The following SPAG17 variants were observed in gnomAD, a reference collection of about 807,000 sequenced individuals.
SPAG17 encodes sperm-associated antigen 17.
Under a neutral mutation model 273.6 loss-of-function variants are expected in SPAG17, and 169 were observed. The ratio of observed to expected loss-of-function variants is 0.62; its 90% CI spans 0.55 to 0.70. The LOEUF is 0.70. Ranked by LOEUF, SPAG17 falls within the 30% of genes least tolerant of loss-of-function variation. The pLI, the probability that SPAG17 is intolerant of heterozygous loss-of-function variation, is 0.00. For missense variants in SPAG17, 2,557 were observed against 2,627.8 expected (o/e 0.97, Z 0.59); for synonymous variants, 825 against 873.2 (o/e 0.94, Z 0.97).
intron 3 of SPAG17, among the ~76,000 whole-genome samples, chr1:118,140,632 TCTTC>T (rs1436577185): frequency 3.9e-5 from 6 of 152,122 alleles, no homozygotes; most frequent in African/African-American, 1.4e-4. Context: ...TCTGCCAAAT[TCTTC>T]CTTCTAAATA....
At chr1:118,001,555 G>A (rs916891977) in intron 32 of SPAG17, among the ~76,000 whole-genome samples, 2 of 152,130 alleles carry the variant, frequency 1.3e-5, no homozygotes, top group African/African-American at 4.8e-5. Flanking sequence ...TTGGGAGGGT[G>A]TATGTGTCCA....
chr1:118,092,752 G>A (rs532430598), intron 8 of SPAG17, among the ~76,000 whole-genome samples: 34 of 152,256 alleles, frequency 2.2e-4, no homozygotes, highest in African/African-American at 7.5e-4. Context: ...ATCATGCTAC[G>A]TTGAAATCAT....
intron 40 of SPAG17, 56 bp from the exon 41 acceptor site, chr1:117,984,838 G>A (rs1372688420): frequency 8.8e-7 from 1 of 1,139,450 alleles, no homozygotes; most frequent in Non-Finnish European, 1.3e-6. Context: ...TTAAAGTGTT[G>A]TTTGTTTGTG....
rs141730514 is a variant in SPAG17, at chr1:117,988,250, G to C, written c.5522-46C>G. 2.9e-4 allele frequency: 402 copies of C among 1,365,224 alleles called. 2 individuals are homozygous for C. The African/African-American group carries it at 5.3e-3, about 18-fold the overall frequency. 84.6% of individuals were successfully genotyped at this position (1,365,224 alleles called of 1,614,324 possible). A position where few individuals can be genotyped will look rare whatever the true frequency, so the allele number is the denominator to read the frequency against. On this transcript the variant is annotated intron_variant, in intron 38 of 48. Transcript: ENST00000336338. ...AACTTTTATCCCCACTTCTTTATAG[G>C]GCAACACACAATCAGTACACAATTA... is the stretch of plus-strand genomic sequence containing the variant.
In SPAG17 at chr1:117,966,557, C is replaced by T. The variant is rs755295987; in HGVS notation, c.6532+52G>A. On this transcript the variant is annotated intron_variant, in intron 47 of 48. Transcript: ENST00000336338. ...TTTTGACTTCCATGTTTTCCTCACT[C>T]GTGTAATTTCTGCACTATATATGAT... The T allele has an allele frequency of 1.8e-5, 25 of 1,413,110 alleles. No individual in the cohort carries two copies. In the South Asian group the frequency reaches 2.1e-4, roughly 12 times the overall value. The allele number at this position is 1,413,110 out of a possible 1,614,324, so 87.5% of individuals were successfully genotyped here. A position where few individuals can be genotyped will look rare whatever the true frequency, so the allele number is the denominator to read the frequency against.
chr1:118,091,056 C>T (rs1198865579), intron 10 of SPAG17, among the ~76,000 whole-genome samples: 1 of 151,884 alleles, frequency 6.6e-6, no homozygotes, highest in Non-Finnish European at 1.5e-5. Context: ...AAGGAAAGCA[C>T]AAATAAATAA....
intron 3 of SPAG17, among the ~76,000 whole-genome samples, chr1:118,118,194 T>TC (rs1219439209): frequency 1.3e-5 from 2 of 152,174 alleles, no homozygotes; most frequent in African/African-American, 4.8e-5. Flanking sequence ...ACATAACATC[T>TC]CCAAAGGTTT....
intron 1 of SPAG17, among the ~76,000 whole-genome samples, chr1:118,157,364 A>G (rs1358631353): frequency 6.6e-6 from 1 of 152,154 alleles, no homozygotes; most frequent in Non-Finnish European, 1.5e-5. Flanking sequence ...TGGATCTATA[A>G]TTAAGAGTCT....
At chr1:118,145,580 AG>A (rs1028684116) in intron 3 of SPAG17, among the ~76,000 whole-genome samples, 1 of 152,186 alleles carries the variant, frequency 6.6e-6, no homozygotes, top group African/African-American at 2.4e-5. Context: ...ATCTAATATC[AG>A]AAAAATCTTT....
In SPAG17 at chr1:118,150,631, T is replaced by C; in HGVS notation, c.229-2A>G. The C allele has an allele frequency of 6.8e-7, 1 of 1,469,072 alleles. No homozygotes were observed. Among genetic ancestry groups the C allele is most frequent in the Non-Finnish European group, 9.4e-7 (1 of 1,066,584 alleles). 91.0% of individuals were successfully genotyped at this position (1,469,072 alleles called of 1,614,324 possible). ...AACAAGTGTATTTATTTCATTAATC[T>C]GTAAGAAAATTAAATTTACTTATGA... On this transcript the variant is annotated splice_acceptor_variant, in intron 2 of 48. Coordinates refer to ENST00000336338, the MANE Select transcript of SPAG17 (RefSeq NM_206996.4). LOFTEE classifies it high-confidence loss of function.
intron 1 of SPAG17, among the ~76,000 whole-genome samples, chr1:118,181,481 C>A (rs182115312): frequency 5.7e-4 from 87 of 151,862 alleles, no homozygotes; most frequent in Admixed American, 1.9e-3. Context: ...TTAATAGTAA[C>A]CAAGAGAGAG....
At chr1:118,157,403 CT>C (rs1298539663) in intron 1 of SPAG17, among the ~76,000 whole-genome samples, 1 of 152,134 alleles carries the variant, frequency 6.6e-6, no homozygotes, top group Non-Finnish European at 1.5e-5. Context: ...GTGACCTAGC[CT>C]TAAGTAATAT....
At chr1:118,029,078 A>G (rs1648118948) in intron 25 of SPAG17, among the ~76,000 whole-genome samples, 1 of 152,070 alleles carries the variant, frequency 6.6e-6, no homozygotes, top group African/African-American at 2.4e-5. Flanking sequence ...AGTCAGACCC[A>G]GTCTCTTTAA....
intron 48 of SPAG17, chr1:117,959,684 A>G (rs1208048367): frequency 2.9e-6 from 1 of 341,350 alleles, no homozygotes; most frequent in Non-Finnish European, 5.2e-6. Context: ...TGTGCTCTCA[A>G]AGCTTGAGCC....
intron 20 of SPAG17, among the ~76,000 whole-genome samples, chr1:118,047,050 C>T (rs1399014663): frequency 2.0e-5 from 3 of 152,122 alleles, no homozygotes; most frequent in Non-Finnish European, 1.5e-5. Flanking sequence ...TCCTTGTTTA[C>T]AAGAAACACA....
At chr1:118,120,912 A>T (rs957742000) in intron 3 of SPAG17, among the ~76,000 whole-genome samples, 2 of 152,182 alleles carry the variant, frequency 1.3e-5, no homozygotes, top group African/African-American at 4.8e-5. Flanking sequence ...ATTTTTATTT[A>T]TTATAGAATG....
chr1:117,973,616 T>C, intron 43 of SPAG17, 55 bp from the exon 44 acceptor site: 2 of 1,559,570 alleles, frequency 1.3e-6, no homozygotes, highest in Non-Finnish European at 1.7e-6. Context: ...CAAACACATT[T>C]GAAGTAATAT....
chr1:118,064,573 T>G, intron 18 of SPAG17, among the ~76,000 whole-genome samples: 1 of 112,494 alleles, frequency 8.9e-6, no homozygotes, highest in South Asian at 3.3e-4. Flanking sequence ...ACATCACACT[T>G]TGGGGCCTGT....
At chr1:118,071,068 C>T (rs1653534719) in intron 17 of SPAG17, among the ~76,000 whole-genome samples, 1 of 151,600 alleles carries the variant, frequency 6.6e-6, no homozygotes, top group Admixed American at 6.6e-5. Context: ...ACAGAACTGA[C>T]ATACCAACAA....
Sources: gnomAD v4.1 joint callset for allele counts (sites outside exome capture counted in the v4.1 genomes callset) on GRCh38, gnomAD v4.1.1 for gene constraint, MANE v1.5 for transcripts, NCBI Gene and HGNC (gene_info 2026-07-23, HGNC 2026-07-21) for gene names.